PPM1H: variants seen among roughly 807,000 people sequenced by gnomAD.
The protein encoded by PPM1H is protein phosphatase, Mg2+/Mn2+ dependent 1H.
A neutral mutation model predicts 54.9 loss-of-function variants in PPM1H; 27 were observed. That is an observed-to-expected ratio of 0.49 (90% CI 0.36 to 0.68). PPM1H has a LOEUF of 0.68. Among genes scored for constraint, PPM1H ranks in the 30% least tolerant of loss-of-function variants. PPM1H has a pLI of 0.00. For missense variants in PPM1H, 596 were observed against 667.8 expected (o/e 0.89, Z 1.19); for synonymous variants, 305 against 270.8 (o/e 1.13, Z -1.24).
At chr12:62,901,008 C>A (rs1036880625) in intron 1 of PPM1H, among the ~76,000 whole-genome samples, 5 of 152,178 alleles carry the variant, frequency 3.3e-5, no homozygotes, top group Non-Finnish European at 7.3e-5. Flanking sequence ...TTACTGCCAC[C>A]ACCACTTAAA....
intron 1 of PPM1H, among the ~76,000 whole-genome samples, chr12:62,856,853 T>C (rs1306616881): frequency 6.6e-6 from 1 of 152,136 alleles, no homozygotes; most frequent in Admixed American, 6.5e-5. Flanking sequence ...TTGTGGCTTT[T>C]TGGGTGATCA....
intron 1 of PPM1H, among the ~76,000 whole-genome samples, chr12:62,836,782 T>G (rs1469686847): frequency 6.6e-6 from 1 of 152,184 alleles, no homozygotes; most frequent in Admixed American, 6.5e-5. Context: ...TATACCCAGT[T>G]TATTCAACTC....
At chr12:62,930,471 G>T (rs1592676118) in intron 1 of PPM1H, among the ~76,000 whole-genome samples, 1 of 152,148 alleles carries the variant, frequency 6.6e-6, no homozygotes, top group Admixed American at 6.5e-5. Context: ...ACACAATATT[G>T]TTGCTCAAAA....
intron 1 of PPM1H, among the ~76,000 whole-genome samples, chr12:62,893,473 C>T (rs1189035725): frequency 2.7e-5 from 4 of 150,868 alleles, no homozygotes; most frequent in Middle Eastern, 3.2e-3. Flanking sequence ...CTTTTTTTTT[C>T]TGAGACAGGG....
At chr12:62,924,182 C>A (rs1486162381) in intron 1 of PPM1H, among the ~76,000 whole-genome samples, 1 of 152,128 alleles carries the variant, frequency 6.6e-6, no homozygotes, top group Non-Finnish European at 1.5e-5. Context: ...TTCAATGACC[C>A]CATTTTGTAA....
chr12:62,930,140 C>T (rs915402995), intron 1 of PPM1H, among the ~76,000 whole-genome samples: 1 of 152,164 alleles, frequency 6.6e-6, no homozygotes, highest in African/African-American at 2.4e-5. Flanking sequence ...TGCCAATGAC[C>T]AAGGAGACAG....
chr12:62,755,985 CA>C, intron 4 of PPM1H: 2 of 1,296,158 alleles, frequency 1.5e-6, no homozygotes, highest in Admixed American at 1.8e-5. Context: ...GAAAAACTGC[CA>C]AATATGATGA....
chr12:62,662,793 A>G (rs577543219), intron 9 of PPM1H, among the ~76,000 whole-genome samples: 1 of 152,316 alleles, frequency 6.6e-6, no homozygotes, highest in African/African-American at 2.4e-5. Context: ...ACAGAATATT[A>G]TCAGTAAATA....
At chr12:62,701,680 GT>G (rs59870131) in intron 6 of PPM1H, among the ~76,000 whole-genome samples, 6,286 of 143,354 alleles carry the variant, frequency 0.044, 307 homozygotes, top group East Asian at 0.14. Context: ...TTGTTTGTTT[GT>G]TTTTTTTTTT....
At chr12:62,817,137 G>GAAAAAAAAAAAAAAAAAAAAA (rs748440124) in intron 2 of PPM1H, among the ~76,000 whole-genome samples, 2 of 67,360 alleles carry the variant, frequency 3.0e-5, no homozygotes, top group Non-Finnish European at 5.5e-5. Flanking sequence ...AAAAAAAAAA[G>GAAAAAAAAAAAAAAAAAAAAA]AAAAAAAAAA....
At position 62,646,431 on chromosome 12, in the gene PPM1H, G is replaced by A. The variant is rs894043681; in HGVS notation, c.*2058C>T. The A allele has an allele frequency of 3.3e-5, 5 of 152,148 alleles. No homozygotes were observed. The highest frequency in any genetic ancestry group is 6.5e-5 in the Admixed American group (1 of 15,276). The allele number at this position is 152,148 out of a possible 1,614,324, so 9.4% of individuals were successfully genotyped here. A position where few individuals can be genotyped will look rare whatever the true frequency, so the allele number is the denominator to read the frequency against. The stretch of plus-strand genomic sequence containing the variant: ...GGGACACAGGAAGGATCCCAAAGAC[G>A]GCAGCTCAGGGTCCTCCACGGAAGA... On this transcript the variant is annotated 3_prime_UTR_variant, in exon 10 of 10. Coordinates refer to ENST00000228705, the MANE Select transcript of PPM1H (RefSeq NM_020700.2).
intron 6 of PPM1H, among the ~76,000 whole-genome samples, chr12:62,719,406 C>T: frequency 6.6e-6 from 1 of 152,134 alleles, no homozygotes; most frequent in East Asian, 1.9e-4. Context: ...CGTTAGGACC[C>T]CAGGGCACAA....
chr12:62,802,986 A>T (rs1201554849), intron 2 of PPM1H, among the ~76,000 whole-genome samples: 1 of 146,098 alleles, frequency 6.8e-6, no homozygotes, highest in Non-Finnish European at 1.5e-5. Flanking sequence ...ACGGGAAATA[A>T]GTAGACCCAT....
At chr12:62,860,693 G>T (rs1333285061) in intron 1 of PPM1H, among the ~76,000 whole-genome samples, 1 of 152,158 alleles carries the variant, frequency 6.6e-6, no homozygotes, top group Non-Finnish European at 1.5e-5. Flanking sequence ...GGCTCAGCAT[G>T]CCTTGGTGCT....
intron 3 of PPM1H, among the ~76,000 whole-genome samples, chr12:62,800,527 C>T (rs545757015): frequency 6.6e-5 from 10 of 152,046 alleles, no homozygotes; most frequent in South Asian, 6.2e-4. Context: ...TTGGTAGAGA[C>T]GGGGTTGCAC....
intron 6 of PPM1H, among the ~76,000 whole-genome samples, chr12:62,697,916 A>G (rs149893839): frequency 5.6e-4 from 86 of 152,218 alleles, no homozygotes; most frequent in African/African-American, 1.9e-3. Context: ...TTTTGGGCCA[A>G]TTCCTTAATG....
At chr12:62,838,938 A>AG (rs1301048393) in intron 1 of PPM1H, among the ~76,000 whole-genome samples, 4 of 149,936 alleles carry the variant, frequency 2.7e-5, no homozygotes, top group Non-Finnish European at 5.9e-5. Flanking sequence ...AAAAAAAAAA[A>AG]AAAAAAAAAA....
chr12:62,760,481 C>A (rs527357988), intron 4 of PPM1H, among the ~76,000 whole-genome samples: 2 of 152,180 alleles, frequency 1.3e-5, no homozygotes, highest in Admixed American at 6.5e-5. Context: ...TCTGCTCCCC[C>A]ACCCTATAAC....
intron 1 of PPM1H, among the ~76,000 whole-genome samples, chr12:62,918,514 C>A (rs1871693135): frequency 6.6e-6 from 1 of 152,216 alleles, no homozygotes; most frequent in African/African-American, 2.4e-5. Flanking sequence ...ATATAGCTAA[C>A]ACTTCCCAAA....
Sources: gnomAD v4.1 joint callset for allele counts (sites outside exome capture counted in the v4.1 genomes callset) on GRCh38, gnomAD v4.1.1 for gene constraint, MANE v1.5 for transcripts, NCBI Gene and HGNC (gene_info 2026-07-23, HGNC 2026-07-21) for gene names.